The following FRAS1 variants were observed in gnomAD, a reference collection of about 807,000 sequenced individuals.
FRAS1 encodes extracellular matrix organizing protein FRAS1.
FRAS1 carries 290 observed loss-of-function variants against 435.2 expected under a neutral mutation model. The ratio of observed to expected loss-of-function variants is 0.67; its 90% CI spans 0.61 to 0.73. FRAS1 has a LOEUF of 0.73. FRAS1 is among the 30% of genes least tolerant of loss of function. The pLI, the probability that FRAS1 is intolerant of heterozygous loss-of-function variation, is 0.00. For missense variants in FRAS1, 4,860 were observed against 5,001.5 expected (o/e 0.97, Z 0.85); for synonymous variants, 1,800 against 1,851.0 (o/e 0.97, Z 0.71).
At chr4:78,172,568 A>G (rs911586321) in intron 2 of FRAS1, among the ~76,000 whole-genome samples, 30 of 152,158 alleles carry the variant, frequency 2.0e-4, no homozygotes, top group African/African-American at 7.0e-4. Flanking sequence ...TTTGAAAACT[A>G]AAAATTAAAA....
chr4:78,332,012 A>G (rs1729968198), intron 18 of FRAS1, among the ~76,000 whole-genome samples: 1 of 152,172 alleles, frequency 6.6e-6, no homozygotes, highest in South Asian at 2.1e-4. Context: ...CATGGGCAAG[A>G]GACTTTATTC....
intron 44 of FRAS1, among the ~76,000 whole-genome samples, chr4:78,449,252 C>A (rs920087622): frequency 6.6e-6 from 1 of 152,130 alleles, no homozygotes; most frequent in Non-Finnish European, 1.5e-5. Context: ...AGGGCCCAGA[C>A]AGACACTTTC....
In FRAS1 at chr4:78,522,776, T is replaced by C. The variant is rs1360446754; in HGVS notation, c.10776T>C (p.His3592=). 1.2e-6 allele frequency: 2 copies of C among 1,611,848 alleles called. No homozygotes were observed. The highest frequency in any genetic ancestry group is 1.7e-4 in the Middle Eastern group (1 of 6,046). The change falls in exon 69 of 74, where the codon CAT becomes CAC. Residue 3592 remains histidine, a synonymous_variant. Coordinates refer to ENST00000512123, the MANE Select transcript of FRAS1 (RefSeq NM_025074.7). ...GCGCTCAGACTTTTGATTCTCCACA[T>C]CAACTCTGGAGAGCCACAAGCTCTT... ...LWSAQTFDSP[H]QLWRATSSYN...
chr4:78,317,900 G>A lies in FRAS1; in HGVS notation c.1960+392G>A, dbSNP rs192464676. Among the ~76,000 whole-genome samples the A allele has an allele frequency of 4.3e-4, 65 of 152,250 alleles. 1 individual carries two copies. Among genetic ancestry groups the A allele is most frequent in the Non-Finnish European group, 2.5e-4 (17 of 68,032 alleles). On this transcript the variant is annotated intron_variant, in intron 17 of 73. Coordinates refer to ENST00000512123, the MANE Select transcript of FRAS1 (RefSeq NM_025074.7). ...GCTGAGCAAACTGAGAGTCACTAGC[G>A]ATGCCTCTGGGCTGAGTGAAATGGA...
intron 20 of FRAS1, among the ~76,000 whole-genome samples, chr4:78,346,905 C>A (rs1730623323): frequency 6.6e-6 from 1 of 152,118 alleles, no homozygotes; most frequent in Non-Finnish European, 1.5e-5. Context: ...CTTTTCTCTT[C>A]ATTTTTCCTG....
intron 14 of FRAS1, among the ~76,000 whole-genome samples, chr4:78,306,308 T>G (rs1560641868): frequency 6.6e-6 from 1 of 150,728 alleles, no homozygotes; most frequent in Non-Finnish European, 1.5e-5. Flanking sequence ...TTTTCCTTCA[T>G]TTCAACTTTG....
chr4:78,271,362 G>A (rs571415117), intron 9 of FRAS1, among the ~76,000 whole-genome samples: 26 of 151,742 alleles, frequency 1.7e-4, no homozygotes, highest in Admixed American at 5.2e-4. Context: ...TGTGCACAAC[G>A]TGCAGGTTTG....
At chr4:78,384,907 CAAAAAAAA>C (rs11315732) in intron 28 of FRAS1, among the ~76,000 whole-genome samples, 6 of 101,770 alleles carry the variant, frequency 5.9e-5, no homozygotes, top group Admixed American at 4.1e-4. Context: ...GACCCTGTCT[CAAAAAAAA>C]AAAAAAAAAA....
At chr4:78,295,840 G>A (rs1391979992) in intron 14 of FRAS1, among the ~76,000 whole-genome samples, 1 of 151,630 alleles carries the variant, frequency 6.6e-6, no homozygotes, top group Non-Finnish European at 1.5e-5. Flanking sequence ...CGCCTGCCCA[G>A]GTTCGAACGA....
intron 2 of FRAS1, among the ~76,000 whole-genome samples, chr4:78,183,424 CG>C (rs943720269): frequency 5.3e-5 from 8 of 152,284 alleles, no homozygotes; most frequent in Admixed American, 2.6e-4. Flanking sequence ...TTGGCGTCCC[CG>C]GAAACCACAC....
intron 41 of FRAS1, among the ~76,000 whole-genome samples, chr4:78,441,622 TG>T (rs1445258182): frequency 8.6e-6 from 1 of 116,052 alleles, no homozygotes; most frequent in Non-Finnish European, 1.9e-5. Context: ...TGTTAGAAGG[TG>T]AATAAATATT....
In FRAS1 at chr4:78,438,652, C is replaced by G; in HGVS notation, c.5300C>G (p.Ser1767Cys). 2 of 1,613,350 alleles carry G rather than the reference C, an allele frequency of 1.2e-6. No individual in the cohort carries two copies. Among genetic ancestry groups the G allele is most frequent in the Non-Finnish European group, 1.7e-6 (2 of 1,179,464 alleles). ...GGTACTCTCTTAAGAATCTCAGGAT[C>G]TGAGGTGGAAGAGCTCTCAGAAGTT... ...SYGTLLRISG[S>C]EVEELSEVSN... Residue 1767 changes from serine (S) to cysteine (C), a missense_variant, in exon 39 of 74, where the codon TCT (serine) becomes TGT (cysteine). Transcript: ENST00000512123.
At chr4:78,215,395 C>T (rs1456803987) in intron 2 of FRAS1, among the ~76,000 whole-genome samples, 1 of 152,094 alleles carries the variant, frequency 6.6e-6, no homozygotes, top group East Asian at 1.9e-4. Flanking sequence ...GGGGTTTTAC[C>T]ATGTTGGCCA....
chr4:78,285,390 T>C (rs1227031934), intron 13 of FRAS1, among the ~76,000 whole-genome samples: 1 of 151,298 alleles, frequency 6.6e-6, no homozygotes, highest in Admixed American at 6.6e-5. Context: ...GTGTGTAGGT[T>C]CATACCTGGC....
At chr4:78,164,696 A>G (rs1721268745) in intron 2 of FRAS1, among the ~76,000 whole-genome samples, 1 of 152,176 alleles carries the variant, frequency 6.6e-6, no homozygotes. Flanking sequence ...ATATAGGTAC[A>G]ACTTAGTTAA....
intron 14 of FRAS1, among the ~76,000 whole-genome samples, chr4:78,303,843 T>C (rs1728555734): frequency 6.7e-6 from 1 of 149,658 alleles, no homozygotes; most frequent in Non-Finnish European, 1.5e-5. Flanking sequence ...TGAATACCCT[T>C]TATTTCCTTC....
In FRAS1 at chr4:78,254,985, G is replaced by T. The variant is rs139469221; in HGVS notation, c.470-257G>T. ...CAGCATTCATTGGGATGGAGTGGAG[G>T]AGCTGGTAGCTGAGAACTCATCCCA... On this transcript the variant is annotated intron_variant, in intron 5 of 73. Coordinates refer to ENST00000512123, the MANE Select transcript of FRAS1 (RefSeq NM_025074.7). Among the ~76,000 whole-genome samples, 201 of 152,126 alleles carry T rather than the reference G, an allele frequency of 1.3e-3. 4 individuals carry two copies. Among genetic ancestry groups the T allele is most frequent in the Admixed American group, 8.5e-4 (13 of 15,266 alleles).
intron 2 of FRAS1, among the ~76,000 whole-genome samples, chr4:78,217,351 T>C (rs1315896348): frequency 6.6e-6 from 1 of 152,098 alleles, no homozygotes; most frequent in African/African-American, 2.4e-5. Flanking sequence ...CCCAGTCACA[T>C]TGACACATAA....
chr4:78,058,872 T>A (rs763255940), intron 1 of FRAS1, among the ~76,000 whole-genome samples: 1 of 152,036 alleles, frequency 6.6e-6, no homozygotes, highest in Non-Finnish European at 1.5e-5. Flanking sequence ...AATCAAGAGT[T>A]TGGGGTCATG....
Sources: gnomAD v4.1 joint callset for allele counts (sites outside exome capture counted in the v4.1 genomes callset) on GRCh38, gnomAD v4.1.1 for gene constraint, MANE v1.5 for transcripts, NCBI Gene and HGNC (gene_info 2026-07-23, HGNC 2026-07-21) for gene names.